The following DMAC2L variants were observed in gnomAD, a reference collection of about 807,000 sequenced individuals.
The protein encoded by DMAC2L is distal membrane arm assembly component 2 like.
DMAC2L carries 21 observed loss-of-function variants against 22.5 expected under a neutral mutation model. That is an observed-to-expected ratio of 0.93 (90% CI 0.66 to 1.34). The LOEUF (loss-of-function observed/expected upper bound fraction) is 1.34. DMAC2L is among the 40% of genes most tolerant of loss of function. The probability of loss-of-function intolerance (pLI) is 0.00; values close to 1 mark genes in which losing one functional copy is unlikely to be tolerated. For missense variants in DMAC2L, 239 were observed against 246.5 expected, an observed-to-expected ratio of 0.97 and a Z score of 0.20; for synonymous variants, 86 against 89.5, an observed-to-expected ratio of 0.96 and a Z score of 0.22.
chr14:50,312,343 A>C lies in DMAC2L; in HGVS notation c.-88A>C. The C allele has an allele frequency of 1.4e-6, 1 of 726,704 alleles. No homozygotes were observed. The highest frequency in any genetic ancestry group is 2.7e-5 in the East Asian group (1 of 36,530). 45.0% of individuals were successfully genotyped at this position (726,704 alleles called of 1,614,324 possible). ...GGCGAAGGGCCGGCCAGGGTGCCGCAGACGCGGGGACGCTGGCTCGCTCCC... is the reference window on the plus strand; with the variant it reads ...GGCGAAGGGCCGGCCAGGGTGCCGCCGACGCGGGGACGCTGGCTCGCTCCC... On this transcript the variant is annotated 5_prime_UTR_variant, in exon 1 of 6. Coordinates refer to ENST00000557421, the MANE Select transcript of DMAC2L (RefSeq NM_001382507.1).
chr14:50,319,015 T>C (rs541145909), intron 2 of DMAC2L: 1 of 985,434 alleles, frequency 1.0e-6, no homozygotes, highest in African/African-American at 1.7e-5. Context: ...AAACATTTTT[T>C]GAGCGAATGA....
chr14:50,325,729 T>C lies in DMAC2L; in HGVS notation c.*6T>C. 1 of 1,605,190 alleles carries C rather than the reference T, an allele frequency of 6.2e-7. No individual in the cohort carries two copies. Among genetic ancestry groups the C allele is most frequent in the East Asian group, 2.2e-5 (1 of 44,650 alleles). ...TAAAATTACAATTGAAGTAAAATAA[T>C]GTGTCTTATTTCAGTATAAAGGATC... On this transcript the variant is annotated 3_prime_UTR_variant, in exon 6 of 6. Transcript: ENST00000557421.
Position 50,312,330 on chromosome 14 carries a change from G to C in DMAC2L, c.-101G>C, listed in dbSNP as rs2031288380. ...GCGCGCGTCGGAGGGCGAAGGGCCG[G>C]CCAGGGTGCCGCAGACGCGGGGACG... On this transcript the variant is annotated 5_prime_UTR_variant, in exon 1 of 6. Transcript: ENST00000557421. The C allele has an allele frequency of 4.8e-6, 4 of 834,472 alleles. No homozygotes were observed. The highest frequency in any genetic ancestry group is 5.5e-6 in the Non-Finnish European group (3 of 542,016). The allele number at this position is 834,472 out of a possible 1,614,324, so 51.7% of individuals were successfully genotyped here.
intron 3 of DMAC2L, among the ~76,000 whole-genome samples, chr14:50,322,020 C>T (rs2032316569): frequency 6.6e-6 from 1 of 152,104 alleles, no homozygotes; most frequent in African/African-American, 2.4e-5. Flanking sequence ...TTGAAACTAA[C>T]CTTCTAATTA....
At chr14:50,313,844 AC>A (rs2031501736) in intron 1 of DMAC2L, among the ~76,000 whole-genome samples, 1 of 152,214 alleles carries the variant, frequency 6.6e-6, no homozygotes, top group South Asian at 2.1e-4. Flanking sequence ...CAGGTCCATC[AC>A]CACAAGGGTC....
upstream of DMAC2L, chr14:50,312,164 T>C: frequency 6.2e-7 from 1 of 1,608,256 alleles, no homozygotes. Context: ...CTACGCACGC[T>C]CCCCTCCCTC....
At chr14:50,319,252 G>A (rs1429675387) in intron 2 of DMAC2L, 1 of 1,536,092 alleles carries the variant, frequency 6.5e-7, no homozygotes, top group Non-Finnish European at 8.7e-7. Context: ...AGGTAGTGGA[G>A]CAGAGGCTTG....
chr14:50,322,278 G>T (rs138226813), intron 3 of DMAC2L, among the ~76,000 whole-genome samples: 1 of 152,130 alleles, frequency 6.6e-6, no homozygotes, highest in Admixed American at 6.5e-5. Flanking sequence ...AAAATAATAC[G>T]CCTTGACAGC....
intron 3 of DMAC2L, 122 bp downstream of exon 3, chr14:50,321,716 C>A: frequency 1.7e-6 from 1 of 594,312 alleles, no homozygotes; most frequent in Non-Finnish European, 2.8e-6. Flanking sequence ...ATTTTGTTTA[C>A]AAACAAACAA....
At chr14:50,313,117 T>G (rs2031406213) in intron 1 of DMAC2L, 144 of 1,349,218 alleles carry the variant, frequency 1.1e-4, no homozygotes, top group Non-Finnish European at 1.4e-4. Context: ...GTGTAATCTC[T>G]AAAGGACCTT....
intron 1 of DMAC2L, among the ~76,000 whole-genome samples, chr14:50,313,616 G>T (rs967566690): frequency 2.0e-5 from 3 of 152,172 alleles, no homozygotes; most frequent in African/African-American, 7.2e-5. Context: ...CCATGCAATT[G>T]TAAGAATAGA....
intron 2 of DMAC2L, among the ~76,000 whole-genome samples, chr14:50,320,268 T>TTTTTTTA (rs1236460400): frequency 2.1e-4 from 21 of 99,640 alleles, no homozygotes; most frequent in African/African-American, 7.6e-4. Context: ...TAATTTTTTA[T>TTTTTTTA]TTTTTTATTT....
intron 4 of DMAC2L, chr14:50,323,089 C>CTTTTTTTTTTTTTTT (rs10706565): frequency 1.4e-6 from 1 of 703,614 alleles, no homozygotes; most frequent in Non-Finnish European, 1.7e-6. Context: ...TTCTTTCTTT[C>CTTTTTTTTTTTTTTT]TTTTTTTTTT....
Position 50,326,865 on chromosome 14 carries a change from A to AC in DMAC2L, c.*1146dup, listed in dbSNP as rs1163288988. ...AGACCAATTTGGGCAACACAGTGAG[A>AC]CCCCATCTCTAAAAAAATTTTAAAA... On this transcript the variant is annotated 3_prime_UTR_variant, in exon 6 of 6. Coordinates refer to ENST00000557421, the MANE Select transcript of DMAC2L (RefSeq NM_001382507.1). The AC allele has an allele frequency of 3.5e-6, 2 of 572,960 alleles. No individual in the cohort carries two copies. Among genetic ancestry groups the AC allele is most frequent in the Non-Finnish European group, 4.4e-6 (2 of 453,910 alleles). 35.5% of individuals were successfully genotyped at this position (572,960 alleles called of 1,614,324 possible).
At chr14:50,312,022 G>A, upstream of DMAC2L, 1 of 1,568,682 alleles carries the variant, frequency 6.4e-7, no homozygotes. Context: ...TGGTGCTGGC[G>A]CTGCGGCTAC....
chr14:50,322,802 C>A, intron 4 of DMAC2L, 83 bp downstream of exon 4: 2 of 1,591,384 alleles, frequency 1.3e-6, no homozygotes, highest in South Asian at 2.2e-5. Flanking sequence ...CGATTATAGT[C>A]ATAGGTATGT....
intron 2 of DMAC2L, 95 bp downstream of exon 2, chr14:50,314,721 G>A (rs972575432): frequency 2.8e-5 from 12 of 429,294 alleles, no homozygotes; most frequent in East Asian, 1.4e-4. Context: ...AACTCACTGC[G>A]GCCTCTGCCT....
chr14:50,316,121 A>G (rs1219137796), intron 2 of DMAC2L, among the ~76,000 whole-genome samples: 2 of 151,842 alleles, frequency 1.3e-5, no homozygotes, highest in East Asian at 3.9e-4. Context: ...GTAAGGTGGT[A>G]TCACATTGTG....
intron 2 of DMAC2L, among the ~76,000 whole-genome samples, chr14:50,316,666 T>G (rs1440172202): frequency 1.3e-5 from 2 of 152,190 alleles, no homozygotes; most frequent in Non-Finnish European, 2.9e-5. Flanking sequence ...TTCCCCACTT[T>G]ATATGTTTGT....
Sources: gnomAD v4.1 joint callset for allele counts (sites outside exome capture counted in the v4.1 genomes callset) on GRCh38, gnomAD v4.1.1 for gene constraint, MANE v1.5 for transcripts, NCBI Gene and HGNC (gene_info 2026-07-23, HGNC 2026-07-21) for gene names.